Variants in ARC observed in about 807,000 individuals in gnomAD.
ARC encodes the protein activity regulated cytoskeleton associated protein, also known as activity-regulated cytoskeleton-associated protein.
A neutral mutation model predicts 20.0 loss-of-function variants in ARC; 10 were observed. That is an observed-to-expected ratio of 0.50 (90% confidence interval 0.31 to 0.85). The LOEUF (loss-of-function observed/expected upper bound fraction) is 0.85. ARC is among the 40% of genes least tolerant of loss of function. The pLI is 0.05. For missense variants in ARC, 454 were observed against 555.5 expected (o/e 0.82, Z 1.84); for synonymous variants, 269 against 254.1 (o/e 1.06, Z -0.56).
In ARC at chr8:142,613,575, C is replaced by T; in HGVS notation, c.697G>A (p.Gly233Ser). The T allele has an allele frequency of 1.3e-6, 2 of 1,597,316 alleles. No homozygotes were observed. Among genetic ancestry groups the T allele is most frequent in the Non-Finnish European group, 1.7e-6 (2 of 1,168,198 alleles). ...HLEEYLRQVG[G>S]SEEYWLSQIQ... ...TGGGACAGCCAGTACTCCTCAGAGCCGCCCACCTGCCGCAAGTACTCCTCT... is the reference window on the plus strand; with the variant it reads ...TGGGACAGCCAGTACTCCTCAGAGCTGCCCACCTGCCGCAAGTACTCCTCT... Residue 233 changes from glycine (G) to serine (S), a missense_variant, in exon 1 of 3, where the codon GGC becomes AGC. Physicochemically the swap from Gly to Ser is moderately conservative, Grantham distance 56. Coordinates refer to ENST00000356613, the MANE Select transcript of ARC (RefSeq NM_015193.5).
At position 142,613,483 on chromosome 8, in the gene ARC, G is replaced by A. The variant is rs1387783070; in HGVS notation, c.789C>T (p.Asn263=). Residue 263 remains asparagine (N), a synonymous_variant, in exon 1 of 3, where the codon AAC becomes AAT. Transcript: ENST00000356613. ...WWEFKQGSVK[N]WVEFKKEFLQ... is the part of the protein sequence containing the mutation. ...GGAACTCCTTCTTGAACTCCACCCAGTTCTTCACGGAGCCCTGCTTGAACT... is the reference window on the plus strand; with the variant it reads ...GGAACTCCTTCTTGAACTCCACCCAATTCTTCACGGAGCCCTGCTTGAACT... The A allele has an allele frequency of 6.2e-7, 1 of 1,613,268 alleles. No homozygotes were observed. The highest frequency in any genetic ancestry group is 1.7e-5 in the Admixed American group (1 of 60,026).
intron 1 of ARC, 38 bp downstream of exon 1, chr8:142,612,446 T>C (rs1347222676): frequency 6.6e-6 from 1 of 152,458 alleles, no homozygotes; most frequent in East Asian, 1.9e-4. Context: ...AGCTCTCAGA[T>C]GCCCCACAGC....
At position 142,613,273 on chromosome 8, in the gene ARC, G is replaced by A. The variant is rs1377655456; in HGVS notation, c.999C>T (p.Leu333=). The A allele has an allele frequency of 4.3e-6, 7 of 1,613,666 alleles. No homozygotes were observed. The highest frequency in any genetic ancestry group is 5.1e-6 in the Non-Finnish European group (6 of 1,179,988). Residue 333 remains leucine (L), a synonymous_variant, in exon 1 of 3, where the codon CTC becomes CTT. Coordinates refer to ENST00000356613, the MANE Select transcript of ARC (RefSeq NM_015193.5). The part of the protein sequence containing the change: ...QYVVGTLQPK[L]KRFLRHPLPK... ...GCAGGGGGTGGCGCAGGAAACGCTT[G>A]AGCTTGGGCTGCAGGGTGCCCACCA...
chr8:142,611,984 C>A (rs1467424848), intron 2 of ARC, 124 bp downstream of exon 2: 2 of 152,832 alleles, frequency 1.3e-5, no homozygotes, highest in Non-Finnish European at 2.9e-5. Context: ...CCCGTCAGAG[C>A]CTCCCAGCGA....
In ARC at chr8:142,612,889, GGAGGGC is replaced by G; in HGVS notation, c.*186_*191del. The G allele has an allele frequency of 8.9e-6, 5 of 563,782 alleles. No individual in the cohort carries two copies. The highest frequency in any genetic ancestry group is 2.6e-5 in the South Asian group (1 of 38,730). The allele number at this position is 563,782 out of a possible 1,614,324, so 34.9% of individuals were successfully genotyped here. ...GGTGATGGGTGGAGCCCTGCAGGGG[GGAGGGC>G]TCTTTGCCGCTGGGTGCGGTGCTCA... On this transcript the variant is annotated 3_prime_UTR_variant, in exon 1 of 3. Transcript: ENST00000356613.
chr8:142,614,073 A>G lies in ARC; in HGVS notation c.199T>C (p.Ser67Pro). The G allele has an allele frequency of 6.2e-7, 1 of 1,601,746 alleles. No individual in the cohort carries two copies. Residue 67 changes from serine to proline, a missense_variant, in exon 1 of 3, where the codon TCG becomes CCG. This residue lies in a region of ARC where 265 missense variants were observed against 301.7 expected (regional missense o/e 0.88). Transcript: ENST00000356613. ...VERELKGLHR[S>P]VGKLESNLDG... Reference sequence around the variant, plus strand: ...AGGTTGCTCTCCAGCTTCCCGACCGACCGGTGCAGCCCCTTCAGCTCGCGC... The same window carrying G: ...AGGTTGCTCTCCAGCTTCCCGACCGGCCGGTGCAGCCCCTTCAGCTCGCGC...
chr8:142,614,050 G>A lies in ARC; in HGVS notation c.222C>T (p.Asn74=). 1.2e-6 allele frequency: 2 copies of A among 1,605,574 alleles called. No individual in the cohort carries two copies. The highest frequency in any genetic ancestry group is 1.7e-6 in the Non-Finnish European group (2 of 1,176,568). Residue 74 remains asparagine, a synonymous_variant, in exon 1 of 3, where the codon AAC becomes AAT. Transcript: ENST00000356613. The part of the protein sequence containing the change: ...LHRSVGKLES[N]LDGYVPTSDS... ...CGCTCGTGGGCACGTAGCCGTCCAG[G>A]TTGCTCTCCAGCTTCCCGACCGACC...
chr8:142,613,858 C>T lies in ARC; in HGVS notation c.414G>A (p.Pro138=), dbSNP rs777966232. 3 of 1,547,034 alleles carry T rather than the reference C, an allele frequency of 1.9e-6. No individual in the cohort carries two copies. The highest frequency in any genetic ancestry group is 2.7e-5 in the African/African-American group (2 of 73,510). ...DRLESTGGKY[P]VGSESARHTV... ...TGTGGCGGGCTGACTCGCTGCCCAC[C>T]GGGTACTTGCCGCCCGTGGACTCCA... is the stretch of plus-strand genomic sequence containing the variant. Residue 138 remains proline, a synonymous_variant, in exon 1 of 3, where the codon CCG becomes CCA. Transcript: ENST00000356613.
Position 142,613,446 on chromosome 8 carries a change from C to G in ARC, c.826G>C (p.Glu276Gln), listed in dbSNP as rs751211937. The G allele has an allele frequency of 6.2e-7, 1 of 1,612,994 alleles. No individual in the cohort carries two copies. Among genetic ancestry groups the G allele is most frequent in the Non-Finnish European group, 8.5e-7 (1 of 1,179,878 alleles). ...EFKKEFLQYS[E>Q]GTLSREAIQR... ...ATGGCCTCTCGGGACAGCGTGCCCT[C>G]GCTGTACTGCAGGAACTCCTTCTTG... Residue 276 changes from glutamate (E) to glutamine (Q), a missense_variant, in exon 1 of 3, where the codon GAG becomes CAG. Around this residue, in one of 3 missense-constraint regions of ARC, gnomAD observed 117 missense variants for 194.4 expected, o/e 0.60. Coordinates refer to ENST00000356613, the MANE Select transcript of ARC (RefSeq NM_015193.5).
In ARC at chr8:142,613,122, TGG is replaced by T. The variant is rs758766418; in HGVS notation, c.1148_1149del (p.Pro383GlnfsTer8). ...EDEAETLTPA[P>X]NSESVASDRT... ...CGGTCACTGGCCACGGACTCGCTGTTGGGGGCGGGCGTGAGGGTCTCCGCCTC... is the reference window on the plus strand; with the variant it reads ...CGGTCACTGGCCACGGACTCGCTGTTGGGCGGGCGTGAGGGTCTCCGCCTC... On this transcript the variant is annotated frameshift_variant, in exon 1 of 3. Transcript: ENST00000356613. LOFTEE classifies it low-confidence loss of function (END_TRUNC). 6.3e-7 allele frequency: 1 copy of T among 1,576,866 alleles called. No homozygotes were observed.
chr8:142,614,423 G>C lies in ARC; in HGVS notation c.-152C>G. ...GCGGCGGGGCCGGCGGAGCACGCCC[G>C]GGGAGGCAGGTCCGGCTCGGCTGCT... On this transcript the variant is annotated 5_prime_UTR_variant, in exon 1 of 3. Transcript: ENST00000356613. 1 of 590,882 alleles carries C rather than the reference G, an allele frequency of 1.7e-6. No homozygotes were observed. Among genetic ancestry groups the C allele is most frequent in the Non-Finnish European group, 2.5e-6 (1 of 405,584 alleles). The allele number at this position is 590,882 out of a possible 1,614,324, so 36.6% of individuals were successfully genotyped here.
Position 142,613,950 on chromosome 8 carries a change from A to G in ARC, c.322T>C (p.Trp108Arg). The change falls in exon 1 of 3, where the codon TGG becomes CGG. Residue 108 changes from tryptophan (W) to arginine (R), a missense_variant. Trp to Arg is a moderately radical substitution (Grantham distance 101). Around this residue, in one of 3 missense-constraint regions of ARC, gnomAD observed 265 missense variants for 301.7 expected, o/e 0.88. Transcript: ENST00000356613. ...CQETIANLER[W>R]VKREMHVWRE... ...CACACGTGCATCTCGCGCTTGACCC[A>G]GCGCTCCAGGTTGGCGATGGTCTCC... 1 of 1,607,672 alleles carries G rather than the reference A, an allele frequency of 6.2e-7. No individual in the cohort carries two copies. The highest frequency in any genetic ancestry group is 8.5e-7 in the Non-Finnish European group (1 of 1,178,956).
Position 142,613,067 on chromosome 8 carries a change from C to T in ARC, c.*14G>A, listed in dbSNP as rs1193380384. On this transcript the variant is annotated 3_prime_UTR_variant, in exon 1 of 3. Transcript: ENST00000356613. Reference sequence around the variant, plus strand: ...CTGGATGTAGTGGGCAGGCTGGGGGCTCCGGGATGCCCTCTACTCGGGCTG... The same window carrying T: ...CTGGATGTAGTGGGCAGGCTGGGGGTTCCGGGATGCCCTCTACTCGGGCTG... 1 of 1,486,454 alleles carries T rather than the reference C, an allele frequency of 6.7e-7. No individual in the cohort carries two copies. Among genetic ancestry groups the T allele is most frequent in the Admixed American group, 2.3e-5 (1 of 44,138 alleles). The allele number at this position is 1,486,454 out of a possible 1,614,324, so 92.1% of individuals were successfully genotyped here.
Position 142,613,131 on chromosome 8 carries a change from G to T in ARC, c.1141C>A (p.Pro381Thr). ...PVEDEAETLT[P>T]APNSESVASD... ...GCCACGGACTCGCTGTTGGGGGCGG[G>T]CGTGAGGGTCTCCGCCTCATCCTCC... Residue 381 changes from proline to threonine, a missense_variant, in exon 1 of 3, where the codon CCC (proline) becomes ACC (threonine). Coordinates refer to ENST00000356613, the MANE Select transcript of ARC (RefSeq NM_015193.5). 1.3e-6 allele frequency: 2 copies of T among 1,589,696 alleles called. No individual in the cohort carries two copies.
rs1846287194 is a variant in ARC, at chr8:142,614,259, G to C, written c.13C>G (p.His5Asp). The change falls in exon 1 of 3, where the codon CAC (histidine) becomes GAC (aspartate). Residue 5 changes from histidine (H) to aspartate (D), a missense_variant. Transcript: ENST00000356613. Reference sequence around the variant, plus strand: ...GCGTGGAGCCCGCCGCTGGTCCGGTGGTCCAGCTCCATCTGTGCGCAGGTG... The same window carrying C: ...GCGTGGAGCCCGCCGCTGGTCCGGTCGTCCAGCTCCATCTGTGCGCAGGTG... MELD[H>D]RTSGGLHAYP... 4 of 1,472,232 alleles carry C rather than the reference G, an allele frequency of 2.7e-6. No individual in the cohort carries two copies. Among genetic ancestry groups the C allele is most frequent in the Non-Finnish European group, 2.7e-6 (3 of 1,116,368 alleles). 91.2% of individuals were successfully genotyped at this position (1,472,232 alleles called of 1,614,324 possible). A position where few individuals can be genotyped will look rare whatever the true frequency, so the allele number is the denominator to read the frequency against.
In ARC at chr8:142,613,653, G is replaced by C. The variant is rs749743916; in HGVS notation, c.619C>G (p.Pro207Ala). 1 of 1,571,400 alleles carries C rather than the reference G, an allele frequency of 6.4e-7. No homozygotes were observed. The highest frequency in any genetic ancestry group is 8.6e-7 in the Non-Finnish European group (1 of 1,159,452). The part of the protein sequence containing the change: ...WVPGEDGQPS[P>A]GVDTQIFEDP... The stretch of plus-strand genomic sequence containing the variant: ...TCGAAGATCTGCGTGTCCACGCCGG[G>C]GCTGGGCTGCCCGTCCTCGCCGGGG... Residue 207 changes from proline to alanine, a missense_variant, in exon 1 of 3, where the codon CCC becomes GCC. Transcript: ENST00000356613.
Position 142,612,964 on chromosome 8 carries a change from G to A in ARC, c.*117C>T, listed in dbSNP as rs879219544. ...GTGTGCGAGTCCGCCCGGAGCTCGAGGGGGCACCCAGCTGGACCAGGGCTT... is the reference window on the plus strand; with the variant it reads ...GTGTGCGAGTCCGCCCGGAGCTCGAAGGGGCACCCAGCTGGACCAGGGCTT... On this transcript the variant is annotated 3_prime_UTR_variant, in exon 1 of 3. Coordinates refer to ENST00000356613, the MANE Select transcript of ARC (RefSeq NM_015193.5). 1.2e-6 allele frequency: 1 copy of A among 841,472 alleles called. No individual in the cohort carries two copies. Among genetic ancestry groups the A allele is most frequent in the South Asian group, 1.8e-5 (1 of 55,278 alleles). 52.1% of individuals were successfully genotyped at this position (841,472 alleles called of 1,614,324 possible).
chr8:142,613,677 G>T lies in ARC; in HGVS notation c.595C>A (p.Pro199Thr). ...AEAQQYQPWV[P>T]GEDGQPSPGV... ...GGGCTGGGCTGCCCGTCCTCGCCGG[G>T]GACCCACGGCTGGTACTGCTGGGCC... Residue 199 changes from proline to threonine, a missense_variant, in exon 1 of 3, where the codon CCC becomes ACC. Transcript: ENST00000356613. The T allele has an allele frequency of 1.3e-6, 2 of 1,568,950 alleles. No individual in the cohort carries two copies. The highest frequency in any genetic ancestry group is 1.7e-6 in the Non-Finnish European group (2 of 1,159,758).
At position 142,613,187 on chromosome 8, in the gene ARC, G is replaced by T; in HGVS notation, c.1085C>A (p.Ala362Glu). 1 of 1,610,506 alleles carries T rather than the reference G, an allele frequency of 6.2e-7. No homozygotes were observed. The highest frequency in any genetic ancestry group is 1.1e-5 in the South Asian group (1 of 90,868). Reference protein sequence around the residue: ...GMEVQDDLEQAAEPAGPHLPV... With the variant: ...GMEVQDDLEQEAEPAGPHLPV... Reference sequence around the variant, plus strand: ...GAGGTGGGGGCCGGCCGGCTCGGCCGCCTGCTCCAGGTCATCCTGCACCTC... The same window carrying T: ...GAGGTGGGGGCCGGCCGGCTCGGCCTCCTGCTCCAGGTCATCCTGCACCTC... The change falls in exon 1 of 3, where the codon GCG becomes GAG. Residue 362 changes from alanine (A) to glutamate (E), a missense_variant. Physicochemically the swap from Ala to Glu is moderately radical, Grantham distance 107. Transcript: ENST00000356613.
Sources: gnomAD v4.1 joint callset for allele counts on GRCh38, gnomAD v4.1.1 for gene constraint, gnomAD v4.1.1 regional missense constraint, MANE v1.5 for transcripts, NCBI Gene and HGNC (gene_info 2026-07-23, HGNC 2026-07-21) for gene names.